Variants in SPCS3 observed in about 807,000 individuals in gnomAD.
SPCS3 encodes SPase 22 kDa subunit.
In SPCS3, 9 loss-of-function variants were observed where a neutral mutation model predicts 17.2. That is an observed-to-expected ratio of 0.52 (90% CI 0.31 to 0.91). The LOEUF is 0.91. SPCS3 is among the 40% of genes least tolerant of loss of function. The probability of loss-of-function intolerance (pLI) is 0.04; values close to 1 mark genes in which losing one functional copy is unlikely to be tolerated. For synonymous variants in SPCS3, 87 were observed against 89.6 expected, an observed-to-expected ratio of 0.97 and a Z score of 0.16; for missense variants, 139 against 217.5, an observed-to-expected ratio of 0.64 and a Z score of 2.27.
intron 1 of SPCS3, 59 bp from the exon 2 acceptor site, chr4:176,322,111 T>C: frequency 1.8e-6 from 2 of 1,119,182 alleles, no homozygotes; most frequent in Non-Finnish European, 1.3e-6. Context: ...CTTTAAGAAG[T>C]TACGTGAATT....
chr4:176,320,116 T>C lies in SPCS3; in HGVS notation c.40T>C (p.Phe14Leu). 1 of 1,578,996 alleles carries C rather than the reference T, an allele frequency of 6.3e-7. No homozygotes were observed. The highest frequency in any genetic ancestry group is 8.6e-7 in the Non-Finnish European group (1 of 1,163,714). The change falls in exon 1 of 5, where the codon TTC becomes CTC. Residue 14 changes from phenylalanine to leucine, a missense_variant. By Grantham distance (22) the Phe-to-Leu change is conservative. Coordinates refer to ENST00000503362, the MANE Select transcript of SPCS3 (RefSeq NM_021928.4). ...GTCGCGGGCGAACTCACTGTTCGCC[T>C]TCTCGCTGAGCGTGATGGCGGCGCT... ...VLSRANSLFA[F>L]SLSVMAALTF...
At chr4:176,322,925 T>A (rs1304007535) in intron 2 of SPCS3, among the ~76,000 whole-genome samples, 1 of 152,152 alleles carries the variant, frequency 6.6e-6, no homozygotes, top group Non-Finnish European at 1.5e-5. Flanking sequence ...CTCTGCCATT[T>A]CTAGCCTGAT....
chr4:176,328,433 T>G lies in SPCS3; in HGVS notation c.*103T>G, dbSNP rs907896196. 8.6e-6 allele frequency: 8 copies of G among 925,940 alleles called. No homozygotes were observed. The highest frequency in any genetic ancestry group is 1.8e-5 in the African/African-American group (1 of 56,444). The allele number at this position is 925,940 out of a possible 1,614,324, so 57.4% of individuals were successfully genotyped here. On this transcript the variant is annotated 3_prime_UTR_variant, in exon 5 of 5. Coordinates refer to ENST00000503362, the MANE Select transcript of SPCS3 (RefSeq NM_021928.4). ...GTATTGTTGGTTTGTTTTTTGGTTT[T>G]GGGTTTTTTTTTTTTTTTTTTTGGT...
Position 176,330,981 on chromosome 4 carries a change from A to G in SPCS3, c.*2651A>G, listed in dbSNP as rs1257970409. ...GTTTCTTTATTCTGAAAGGAAAATA[A>G]CAAAAACTTCAGAAATTCCTAAGGG... On this transcript the variant is annotated 3_prime_UTR_variant, in exon 5 of 5. Coordinates refer to ENST00000503362, the MANE Select transcript of SPCS3 (RefSeq NM_021928.4). 1 of 152,172 alleles carries G rather than the reference A, an allele frequency of 6.6e-6. No individual in the cohort carries two copies. Among genetic ancestry groups the G allele is most frequent in the Admixed American group, 6.5e-5 (1 of 15,278 alleles). The allele number at this position is 152,172 out of a possible 1,614,324, so 9.4% of individuals were successfully genotyped here. A position where few individuals can be genotyped will look rare whatever the true frequency, so the allele number is the denominator to read the frequency against.
intron 4 of SPCS3, among the ~76,000 whole-genome samples, chr4:176,327,724 C>T (rs764920477): frequency 1.6e-4 from 24 of 152,172 alleles, no homozygotes; most frequent in Non-Finnish European, 3.1e-4. Flanking sequence ...TTATTTTTAC[C>T]TCTTAGACTC....
intron 1 of SPCS3, 122 bp from the exon 2 acceptor site, chr4:176,322,048 T>A (rs1351559250): frequency 1.1e-5 from 6 of 545,774 alleles, no homozygotes; most frequent in Admixed American, 7.2e-5. Flanking sequence ...TGGTGTTTAC[T>A]CGTTTCTTTG....
At chr4:176,320,887 GTTTC>G (rs1299950257) in intron 1 of SPCS3, 4 of 152,206 alleles carry the variant, frequency 2.6e-5, no homozygotes, top group African/African-American at 4.8e-5. Context: ...GTTTTGTTGG[GTTTC>G]TTTATTTCTT....
At position 176,330,667 on chromosome 4, in the gene SPCS3, AGTTTGATAACCAGTTCATTT is replaced by A. The variant is rs1731674758; in HGVS notation, c.*2339_*2358del. ...ACATTTAAAAAATTGACTTGTGTTC[AGTTTGATAACCAGTTCATTT>A]GCTTTAGTCTCAGTGTTTTAAAGAA... On this transcript the variant is annotated 3_prime_UTR_variant, in exon 5 of 5. Coordinates refer to ENST00000503362, the MANE Select transcript of SPCS3 (RefSeq NM_021928.4). 4 of 152,320 alleles carry A rather than the reference AGTTTGATAACCAGTTCATTT, an allele frequency of 2.6e-5. No homozygotes were observed. In the South Asian group the frequency reaches 8.3e-4, roughly 32 times the overall value. 9.4% of individuals were successfully genotyped at this position (152,320 alleles called of 1,614,324 possible). A position where few individuals can be genotyped will look rare whatever the true frequency, so the allele number is the denominator to read the frequency against.
At chr4:176,320,289 C>G in intron 1 of SPCS3, 70 bp downstream of exon 1, 1 of 1,269,538 alleles carries the variant, frequency 7.9e-7, no homozygotes, top group Non-Finnish European at 1.0e-6. Flanking sequence ...GCCGGGCCGC[C>G]GCGCCGGGGC....
intron 3 of SPCS3, among the ~76,000 whole-genome samples, chr4:176,326,117 T>G (rs1359441103): frequency 1.3e-5 from 2 of 151,970 alleles, no homozygotes; most frequent in Admixed American, 6.5e-5. Flanking sequence ...CTGGCCAACA[T>G]GGTGAAACCC....
intron 3 of SPCS3, among the ~76,000 whole-genome samples, chr4:176,326,742 TC>T (rs1198839394): frequency 6.6e-6 from 1 of 152,214 alleles, no homozygotes; most frequent in Admixed American, 6.5e-5. Context: ...TTGTCTGTTT[TC>T]CTGGCACCAT....
chr4:176,325,419 C>T (rs985365281), intron 3 of SPCS3, among the ~76,000 whole-genome samples: 2 of 151,966 alleles, frequency 1.3e-5, no homozygotes, highest in African/African-American at 4.8e-5. Context: ...GCATGGTGAC[C>T]TACTTGAATC....
At chr4:176,326,108 T>A (rs1054924323) in intron 3 of SPCS3, among the ~76,000 whole-genome samples, 1 of 152,084 alleles carries the variant, frequency 6.6e-6, no homozygotes, top group Non-Finnish European at 1.5e-5. Flanking sequence ...CAGACCAGCC[T>A]GGCCAACATG....
Position 176,330,271 on chromosome 4 carries a change from AC to A in SPCS3, c.*1942del, listed in dbSNP as rs1349035864. 6.6e-6 allele frequency: 1 copy of A among 152,246 alleles called. No homozygotes were observed. Among genetic ancestry groups the A allele is most frequent in the Non-Finnish European group, 1.5e-5 (1 of 68,038 alleles). 9.4% of individuals were successfully genotyped at this position (152,246 alleles called of 1,614,324 possible). On this transcript the variant is annotated 3_prime_UTR_variant, in exon 5 of 5. Coordinates refer to ENST00000503362, the MANE Select transcript of SPCS3 (RefSeq NM_021928.4). The stretch of plus-strand genomic sequence containing the variant: ...TTCACCTCATTTAGTTTGTACAAAT[AC>A]TAGACATGGAAACTTAAAATGTGCA...
Position 176,328,429 on chromosome 4 carries a change from G to C in SPCS3, c.*99G>C. On this transcript the variant is annotated 3_prime_UTR_variant, in exon 5 of 5. Transcript: ENST00000503362. ...TCATGTATTGTTGGTTTGTTTTTTG[G>C]TTTTGGGTTTTTTTTTTTTTTTTTT... 1.2e-6 allele frequency: 1 copy of C among 853,984 alleles called. No individual in the cohort carries two copies. The highest frequency in any genetic ancestry group is 1.5e-6 in the Non-Finnish European group (1 of 653,598). The allele number at this position is 853,984 out of a possible 1,614,324, so 52.9% of individuals were successfully genotyped here. A position where few individuals can be genotyped will look rare whatever the true frequency, so the allele number is the denominator to read the frequency against.
At position 176,327,210 on chromosome 4, in the gene SPCS3, A is replaced by G; in HGVS notation, c.343A>G (p.Asn115Asp). Residue 115 changes from asparagine (N) to aspartate (D), a missense_variant, in exon 4 of 5, where the codon AAT becomes GAT. Coordinates refer to ENST00000503362, the MANE Select transcript of SPCS3 (RefSeq NM_021928.4). ...GGACAAGATTGTTTTGAGAGGTGATAATCCGAAGCTGCTGCTGAAAGATAT... is the reference window on the plus strand; with the variant it reads ...GGACAAGATTGTTTTGAGAGGTGATGATCCGAAGCTGCTGCTGAAAGATAT... ...LWDKIVLRGD[N>D]PKLLLKDMKT... 1 of 1,600,370 alleles carries G rather than the reference A, an allele frequency of 6.2e-7. No individual in the cohort carries two copies. Among genetic ancestry groups the G allele is most frequent in the South Asian group, 1.1e-5 (1 of 87,916 alleles).
chr4:176,328,141 A>C, intron 4 of SPCS3, 57 bp from the exon 5 acceptor site: 1 of 1,554,772 alleles, frequency 6.4e-7, no homozygotes, highest in East Asian at 2.3e-5. Flanking sequence ...TTGTCTTAAA[A>C]TTTTTTTTGA....
intron 1 of SPCS3, chr4:176,321,030 C>T (rs1045419203): frequency 3.9e-5 from 6 of 152,140 alleles, no homozygotes; most frequent in African/African-American, 9.7e-5. Context: ...CTTTAATCGT[C>T]GTATTTTTCC....
chr4:176,327,562 A>G (rs1731623780), intron 4 of SPCS3, among the ~76,000 whole-genome samples: 1 of 152,208 alleles, frequency 6.6e-6, no homozygotes, highest in South Asian at 2.1e-4. Context: ...TGTGGTGGTC[A>G]AATCAAAGGG....
Sources: gnomAD v4.1 joint callset for allele counts (sites outside exome capture counted in the v4.1 genomes callset) on GRCh38, gnomAD v4.1.1 for gene constraint, MANE v1.5 for transcripts, NCBI Gene and HGNC (gene_info 2026-07-23, HGNC 2026-07-21) for gene names.